The following ZNF713 variants were observed in gnomAD, a reference collection of about 807,000 sequenced individuals.
ZNF713 encodes the protein zinc finger protein 713.
In ZNF713, 21 loss-of-function variants were observed where a neutral mutation model predicts 28.7. The observed-to-expected ratio is 0.73, with a 90% confidence interval of 0.52 to 1.05. The LOEUF (loss-of-function observed/expected upper bound fraction) is 1.05, where lower values mean the gene tolerates loss of function less well. Ranked by LOEUF, ZNF713 falls within the 50% of genes least tolerant of loss-of-function variation. The pLI is 0.00. For missense variants in ZNF713, 458 were observed against 532.4 expected, an observed-to-expected ratio of 0.86 and a Z score of 1.37; for synonymous variants, 167 against 178.0, an observed-to-expected ratio of 0.94 and a Z score of 0.49.
chr7:55,932,180 G>A (rs1344769221), intron 6 of ZNF713, among the ~76,000 whole-genome samples: 1 of 151,678 alleles, frequency 6.6e-6, no homozygotes, highest in South Asian at 2.1e-4. Flanking sequence ...TATATATTTT[G>A]TACATCTATT....
intron 1 of ZNF713, among the ~76,000 whole-genome samples, chr7:55,889,207 T>G (rs965361306): frequency 1.1e-4 from 16 of 151,888 alleles, no homozygotes; most frequent in Non-Finnish European, 1.8e-4. Flanking sequence ...GTTCAAATGA[T>G]TCTCCTGTCT....
In ZNF713 at chr7:55,912,768, A is replaced by T. The variant is rs565054397; in HGVS notation, c.87+45A>T. 2.0e-5 allele frequency: 30 copies of T among 1,505,684 alleles called. No homozygotes were observed. The South Asian group carries it at 3.3e-4, about 17-fold the overall frequency. The allele number at this position is 1,505,684 out of a possible 1,614,324, so 93.3% of individuals were successfully genotyped here. The stretch of plus-strand genomic sequence containing the variant: ...CCTCTGAAATGCCAGTGTTCTCAGA[A>T]TGTGGGCACTTTTACTTTTTCATTT... On this transcript the variant is annotated intron_variant, in intron 4 of 6. Coordinates refer to ENST00000429591, the MANE Select transcript of ZNF713 (RefSeq NM_182633.3).
intron 1 of ZNF713, among the ~76,000 whole-genome samples, chr7:55,889,533 T>TA (rs1350430730): frequency 2.0e-5 from 3 of 152,262 alleles, no homozygotes; most frequent in African/African-American, 7.2e-5. Context: ...AATAGATAGT[T>TA]ATTCGGTGAT....
intron 1 of ZNF713, among the ~76,000 whole-genome samples, chr7:55,901,342 A>G (rs1240566201): frequency 6.6e-6 from 1 of 152,178 alleles, no homozygotes; most frequent in Non-Finnish European, 1.5e-5. Flanking sequence ...TGAGAACAGC[A>G]TGGAAGAGAC....
At chr7:55,888,094 G>T (rs1785311785) in intron 1 of ZNF713, among the ~76,000 whole-genome samples, 1 of 152,002 alleles carries the variant, frequency 6.6e-6, no homozygotes, top group African/African-American at 2.4e-5. Flanking sequence ...TTATTTTTGG[G>T]CAAGCGTCCA....
intron 1 of ZNF713, among the ~76,000 whole-genome samples, chr7:55,888,050 G>A (rs1785311196): frequency 6.6e-6 from 1 of 152,036 alleles, no homozygotes; most frequent in Admixed American, 6.6e-5. Flanking sequence ...CTACTATCTG[G>A]GAATGACTCT....
At chr7:55,937,657 C>T (rs144840083) in intron 6 of ZNF713, among the ~76,000 whole-genome samples, 6 of 152,084 alleles carry the variant, frequency 3.9e-5, no homozygotes, top group African/African-American at 1.4e-4. Context: ...ATCCCAGCAA[C>T]TTTGGGAAGC....
rs1584313010 is a variant in ZNF713, at chr7:55,923,320, C to T, written c.214+32C>T. ...ATGGCATCCCTGTGAAACCGGAAGC[C>T]GTTCACGTGGGTTTATTTCCTGAAC... On this transcript the variant is annotated intron_variant, in intron 5 of 6. Transcript: ENST00000429591. 9.5e-6 allele frequency: 15 copies of T among 1,582,882 alleles called. No homozygotes were observed. The East Asian group carries it at 2.2e-4, about 24-fold the overall frequency.
chr7:55,921,861 A>G (rs997106381), intron 4 of ZNF713, among the ~76,000 whole-genome samples: 1 of 152,230 alleles, frequency 6.6e-6, no homozygotes, highest in Non-Finnish European at 1.5e-5. Context: ...ACAGCATCAC[A>G]TGCTACAGAG....
intron 1 of ZNF713, among the ~76,000 whole-genome samples, chr7:55,892,301 A>G (rs1327022438): frequency 6.7e-6 from 1 of 149,158 alleles, no homozygotes; most frequent in East Asian, 2.0e-4. Context: ...AAAAAAAAAA[A>G]AAACCCCAGG....
At chr7:55,929,199 T>G (rs1786162910) in intron 6 of ZNF713, among the ~76,000 whole-genome samples, 1 of 152,064 alleles carries the variant, frequency 6.6e-6, no homozygotes, top group African/African-American at 2.4e-5. Context: ...CTAAAGTTCA[T>G]ATGGAAAATC....
At chr7:55,917,286 C>G (rs1584309271) in intron 4 of ZNF713, among the ~76,000 whole-genome samples, 1 of 150,604 alleles carries the variant, frequency 6.6e-6, no homozygotes, top group East Asian at 1.9e-4. Context: ...AAACTATAAG[C>G]AAAGTAAAAA....
At chr7:55,906,545 T>C (rs1480978611) in intron 2 of ZNF713, among the ~76,000 whole-genome samples, 166 bp downstream of exon 2, 1 of 152,210 alleles carries the variant, frequency 6.6e-6, no homozygotes, top group Non-Finnish European at 1.5e-5. Context: ...TTTTTTTTTC[T>C]GCCTCTGTCA....
In ZNF713 at chr7:55,941,022, A is replaced by G. The variant is rs111227354; in HGVS notation, c.*1016A>G. 41,308 of 149,124 alleles carry G rather than the reference A, an allele frequency of 0.28. 6,053 individuals are homozygous for G. Among genetic ancestry groups the G allele is most frequent in the Middle Eastern group, 0.38 (112 of 292 alleles). The allele number at this position is 149,124 out of a possible 1,614,324, so 9.2% of individuals were successfully genotyped here. A position where few individuals can be genotyped will look rare whatever the true frequency, so the allele number is the denominator to read the frequency against. On this transcript the variant is annotated 3_prime_UTR_variant, in exon 7 of 7. Transcript: ENST00000429591. ...TTTTTAGTAGAGACACGGTTTCACCATATTGACTAGGCTGGTCTCGAACTC... is the reference window on the plus strand; with the variant it reads ...TTTTTAGTAGAGACACGGTTTCACCGTATTGACTAGGCTGGTCTCGAACTC...
At chr7:55,897,984 A>G (rs1252633020) in intron 1 of ZNF713, among the ~76,000 whole-genome samples, 1 of 152,174 alleles carries the variant, frequency 6.6e-6, no homozygotes, top group Admixed American at 6.5e-5. Context: ...GCTAGTGGCT[A>G]AAGGAACCTA....
chr7:55,923,240 C>T lies in ZNF713; in HGVS notation c.166C>T (p.Leu56Phe), dbSNP rs1431146596. 1.2e-6 allele frequency: 2 copies of T among 1,613,748 alleles called. No individual in the cohort carries two copies. Among genetic ancestry groups the T allele is most frequent in the African/African-American group, 1.3e-5 (1 of 75,000 alleles). Residue 56 changes from leucine to phenylalanine, a missense_variant, in exon 5 of 7, where the codon CTC becomes TTC. Coordinates refer to ENST00000429591, the MANE Select transcript of ZNF713 (RefSeq NM_182633.3). ...WDQLYPAQKN[L>F]YRDVMLENYR... ...CCAGCTGTACCCTGCCCAAAAGAAC[C>T]TCTATCGAGACGTGATGCTGGAGAA...
intron 1 of ZNF713, among the ~76,000 whole-genome samples, chr7:55,890,531 T>C (rs1173982018): frequency 6.6e-6 from 1 of 151,784 alleles, no homozygotes; most frequent in Non-Finnish European, 1.5e-5. Context: ...TTCAACATAC[T>C]AATTTGTGGG....
chr7:55,939,940 G>A lies in ZNF713; in HGVS notation c.1266G>A (p.Arg422=). 2 of 1,613,094 alleles carry A rather than the reference G, an allele frequency of 1.2e-6. No individual in the cohort carries two copies. The highest frequency in any genetic ancestry group is 2.2e-5 in the South Asian group (2 of 90,956). Residue 422 remains arginine (R), a synonymous_variant, in exon 7 of 7, where the codon CGG becomes CGA. Transcript: ENST00000429591. ...ATCAACACAGGAAAATCCATACTCG[G>A]GAGAAATTATGTGAATATAAATGTG... ...HLNQHRKIHT[R]EKLCEYKCEQ...
intron 5 of ZNF713, 136 bp downstream of exon 5, chr7:55,923,424 C>T: frequency 5.6e-6 from 7 of 1,252,752 alleles, no homozygotes; most frequent in Non-Finnish European, 7.7e-6. Context: ...GAGTCAAAGA[C>T]CTTTGTTTTC....
Sources: allele counts gnomAD v4.1 joint callset (sites outside exome capture counted in the v4.1 genomes callset), GRCh38; gene constraint gnomAD v4.1.1; transcripts MANE v1.5; gene names NCBI Gene and HGNC (gene_info 2026-07-23, HGNC 2026-07-21).